Variants in PCDH9 observed in about 807,000 individuals in gnomAD.
PCDH9 encodes protocadherin 9.
In PCDH9, 24 loss-of-function variants were observed where a neutral mutation model predicts 70.6. That is an observed-to-expected ratio of 0.34 (90% confidence interval 0.25 to 0.48). PCDH9 has a LOEUF of 0.48. Among genes scored for constraint, PCDH9 ranks in the 20% least tolerant of loss-of-function variants. The pLI, the probability that PCDH9 is intolerant of heterozygous loss-of-function variation, is 0.99. For synonymous variants in PCDH9, 562 were observed against 558.5 expected, an observed-to-expected ratio of 1.01 and a Z score of -0.09; for missense variants, 1,281 against 1,503.6, an observed-to-expected ratio of 0.85 and a Z score of 2.45.
Position 66,607,134 on chromosome 13 carries a change from G to A in PCDH9, c.3340+24076C>T, listed in dbSNP as rs553824769. ...TATTAAGATTAAAAATAAAACATTA[G>A]CTAAGGCAGTGACTTGTGAAGGCTG... On this transcript the variant is annotated intron_variant, in intron 4 of 4. Transcript: ENST00000377865. Among the ~76,000 whole-genome samples the A allele has an allele frequency of 2.6e-5, 4 of 152,100 alleles. No homozygotes were observed. In the South Asian group the frequency reaches 8.3e-4, roughly 32 times the overall value.
intron 2 of PCDH9, among the ~76,000 whole-genome samples, chr13:67,046,798 A>G (rs1182976852): frequency 6.6e-6 from 1 of 152,028 alleles, no homozygotes; most frequent in African/African-American, 2.4e-5. Flanking sequence ...AGGAGAAAAT[A>G]TAAACTTATT....
intron 4 of PCDH9, among the ~76,000 whole-genome samples, chr13:66,326,215 A>G (rs138371821): frequency 1.8e-4 from 27 of 152,124 alleles, no homozygotes; most frequent in African/African-American, 2.6e-4. Context: ...CAAATTATCA[A>G]TCCTTTCTCA....
chr13:66,477,436 CTT>C (rs1958752451), intron 4 of PCDH9, among the ~76,000 whole-genome samples: 2 of 152,072 alleles, frequency 1.3e-5, no homozygotes, highest in African/African-American at 4.8e-5. Flanking sequence ...TGAATTTATG[CTT>C]ACCTAAATTA....
At chr13:66,526,904 T>C (rs1960239559) in intron 4 of PCDH9, among the ~76,000 whole-genome samples, 1 of 152,290 alleles carries the variant, frequency 6.6e-6, no homozygotes, top group Admixed American at 6.5e-5. Context: ...AAAAGTACTG[T>C]GAGCATATCA....
chr13:66,653,099 T>C (rs1012631440), intron 3 of PCDH9, among the ~76,000 whole-genome samples: 5 of 152,124 alleles, frequency 3.3e-5, no homozygotes, highest in Non-Finnish European at 5.9e-5. Flanking sequence ...GATTTCTTAA[T>C]AATACCCTAC....
chr13:66,382,847 A>G (rs1207575483), intron 4 of PCDH9, among the ~76,000 whole-genome samples: 2 of 152,192 alleles, frequency 1.3e-5, no homozygotes, highest in African/African-American at 2.4e-5. Context: ...CCTGGCCAAC[A>G]TGGTGAAACT....
At chr13:66,683,918 T>C (rs540075835) in intron 3 of PCDH9, among the ~76,000 whole-genome samples, 2 of 152,330 alleles carry the variant, frequency 1.3e-5, no homozygotes, top group South Asian at 2.1e-4. Flanking sequence ...CTCCCTCATA[T>C]AATTTATTTG....
intron 2 of PCDH9, among the ~76,000 whole-genome samples, chr13:67,154,780 C>T (rs1349189422): frequency 6.7e-6 from 1 of 149,744 alleles, no homozygotes; most frequent in Non-Finnish European, 1.5e-5. Context: ...TCTTGGCTCA[C>T]TGCAACCTCC....
At chr13:66,402,546 C>A (rs970426623) in intron 4 of PCDH9, among the ~76,000 whole-genome samples, 1 of 152,050 alleles carries the variant, frequency 6.6e-6, no homozygotes, top group Admixed American at 6.6e-5. Context: ...TGATCACAAT[C>A]TGATTGTTGA....
At chr13:66,358,680 A>C (rs1026601522) in intron 4 of PCDH9, among the ~76,000 whole-genome samples, 4 of 151,996 alleles carry the variant, frequency 2.6e-5, no homozygotes, top group African/African-American at 9.7e-5. Context: ...TAAGAGTAAC[A>C]AATCTGTCTC....
intron 2 of PCDH9, among the ~76,000 whole-genome samples, chr13:67,096,408 T>C (rs952124601): frequency 3.9e-5 from 6 of 152,188 alleles, no homozygotes; most frequent in African/African-American, 1.4e-4. Context: ...TTCAATCCCA[T>C]GTCTCTAGGA....
At chr13:66,576,719 A>G (rs984006102) in intron 4 of PCDH9, among the ~76,000 whole-genome samples, 7 of 152,182 alleles carry the variant, frequency 4.6e-5, no homozygotes, top group Admixed American at 2.0e-4. Flanking sequence ...TTTTGCCACA[A>G]TCTCACTCCT....
At chr13:66,407,125 T>C (rs1458421470) in intron 4 of PCDH9, among the ~76,000 whole-genome samples, 2 of 152,216 alleles carry the variant, frequency 1.3e-5, no homozygotes, top group Non-Finnish European at 2.9e-5. Context: ...TGGAGCAATG[T>C]CCTACTACTA....
chr13:66,569,798 A>T (rs2138738354), intron 4 of PCDH9, among the ~76,000 whole-genome samples: 1 of 152,204 alleles, frequency 6.6e-6, no homozygotes, highest in South Asian at 2.1e-4. Context: ...AGGCTGGATC[A>T]CTCATCTGTT....
chr13:66,368,479 C>T (rs1956588766), intron 4 of PCDH9, among the ~76,000 whole-genome samples: 1 of 151,446 alleles, frequency 6.6e-6, no homozygotes, highest in South Asian at 2.1e-4. Context: ...GTGATATAAC[C>T]TTCCCTATAC....
chr13:66,563,136 T>C (rs1019669490), intron 4 of PCDH9, among the ~76,000 whole-genome samples: 1 of 152,184 alleles, frequency 6.6e-6, no homozygotes, highest in African/African-American at 2.4e-5. Context: ...TTGTGTTGTA[T>C]GTTCTATCTT....
intron 4 of PCDH9, among the ~76,000 whole-genome samples, chr13:66,608,002 C>T (rs73196694): frequency 2.0e-5 from 3 of 151,726 alleles, no homozygotes; most frequent in Non-Finnish European, 4.4e-5. Flanking sequence ...AAATTTTCCA[C>T]ATGTATTTAG....
At chr13:67,183,462 T>C (rs1455345108) in intron 2 of PCDH9, among the ~76,000 whole-genome samples, 1 of 152,196 alleles carries the variant, frequency 6.6e-6, no homozygotes, top group Non-Finnish European at 1.5e-5. Flanking sequence ...ACTCCAAATA[T>C]CTCAGCTGCT....
At position 67,226,110 on chromosome 13, in the gene PCDH9, A is replaced by T. The variant is rs773435109; in HGVS notation, c.2331T>A (p.Thr777=). The T allele has an allele frequency of 1.9e-6, 3 of 1,614,158 alleles. No individual in the cohort carries two copies. In the Admixed American group the frequency reaches 5.0e-5, roughly 27 times the overall value. ...LVLVFLYVND[T]AGNASYIYDL... The stretch of plus-strand genomic sequence containing the variant: ...CATAGATATAGGAGGCATTTCCAGC[A>T]GTGTCGTTAACATAAAGGAATACAA... Residue 777 remains threonine, a synonymous_variant, in exon 2 of 5, where the codon ACT becomes ACA. Transcript: ENST00000377865. This position sits in a 1 kb window ranked among gnomAD's most constrained non-coding sequence, Gnocchi z 5.0.
Sources: allele counts gnomAD v4.1 joint callset (sites outside exome capture counted in the v4.1 genomes callset), GRCh38; gene constraint gnomAD v4.1.1; non-coding constraint Gnocchi (gnomAD v3.1); transcripts MANE v1.5; gene names NCBI Gene and HGNC (gene_info 2026-07-23, HGNC 2026-07-21).